Variants in EFNA5 observed in about 807,000 individuals in gnomAD.
EFNA5 encodes the protein ephrin A5.
A neutral mutation model predicts 22.9 loss-of-function variants in EFNA5; 5 were observed. The ratio of observed to expected loss-of-function variants is 0.22; its 90% CI spans 0.11 to 0.46. EFNA5 has a LOEUF of 0.46. Ranked by LOEUF, EFNA5 falls within the 20% of genes least tolerant of loss-of-function variation. The pLI, the probability that EFNA5 is intolerant of heterozygous loss-of-function variation, is 0.99. For missense variants in EFNA5, 237 were observed against 293.3 expected (o/e 0.81, Z 1.40); for synonymous variants, 113 against 112.2 (o/e 1.01, Z -0.04).
intron 1 of EFNA5, among the ~76,000 whole-genome samples, chr5:107,576,228 A>T (rs1167008670): frequency 6.6e-6 from 1 of 152,216 alleles, no homozygotes; most frequent in Admixed American, 6.5e-5. Flanking sequence ...ACTCTTTTTA[A>T]GTGAGAAAAG....
chr5:107,588,602 G>A (rs1306847339), intron 1 of EFNA5, among the ~76,000 whole-genome samples: 1 of 152,228 alleles, frequency 6.6e-6, no homozygotes, highest in East Asian at 1.9e-4. Flanking sequence ...TATCGTATCT[G>A]CATTTCATTG....
At chr5:107,460,764 C>T (rs1749816939) in intron 1 of EFNA5, among the ~76,000 whole-genome samples, 1 of 152,164 alleles carries the variant, frequency 6.6e-6, no homozygotes, top group Admixed American at 6.5e-5. Flanking sequence ...ATCAGAGATG[C>T]TAATCAATTT....
At chr5:107,613,265 G>A (rs781363440) in intron 1 of EFNA5, among the ~76,000 whole-genome samples, 3 of 151,940 alleles carry the variant, frequency 2.0e-5, no homozygotes, top group Admixed American at 2.0e-4. Flanking sequence ...AAAAGTAATG[G>A]GCCTAGAAAA....
chr5:107,538,707 A>G (rs1747978179), intron 1 of EFNA5, among the ~76,000 whole-genome samples: 1 of 152,244 alleles, frequency 6.6e-6, no homozygotes, highest in African/African-American at 2.4e-5. Context: ...AGGAATGTAG[A>G]GCAGGCATAG....
intron 1 of EFNA5, among the ~76,000 whole-genome samples, chr5:107,486,168 G>GA (rs1208449513): frequency 3.9e-5 from 6 of 152,138 alleles, no homozygotes; most frequent in African/African-American, 1.4e-4. Flanking sequence ...TGATGGACAT[G>GA]AAATAGCAAA....
At chr5:107,465,047 T>A (rs1275992582) in intron 1 of EFNA5, among the ~76,000 whole-genome samples, 2 of 148,318 alleles carry the variant, frequency 1.3e-5, no homozygotes, top group African/African-American at 5.1e-5. Context: ...ACCCAAACTT[T>A]CCATTCTGTG....
intron 4 of EFNA5, among the ~76,000 whole-genome samples, chr5:107,382,140 T>C (rs1390553644): frequency 6.6e-6 from 1 of 152,142 alleles, no homozygotes; most frequent in East Asian, 1.9e-4. Flanking sequence ...ATTAAGTGAG[T>C]TAAGCTTCTT....
At chr5:107,491,932 T>A (rs1746816951) in intron 1 of EFNA5, among the ~76,000 whole-genome samples, 1 of 152,124 alleles carries the variant, frequency 6.6e-6, no homozygotes, top group African/African-American at 2.4e-5. Context: ...CCTCCAGGGA[T>A]CAAGCGATTC....
chr5:107,545,317 T>C (rs1476716481), intron 1 of EFNA5, among the ~76,000 whole-genome samples: 1 of 152,218 alleles, frequency 6.6e-6, no homozygotes, highest in East Asian at 1.9e-4. Context: ...TTTCTAATGA[T>C]CTTATATGTT....
At chr5:107,560,348 T>C (rs1336812594) in intron 1 of EFNA5, among the ~76,000 whole-genome samples, 1 of 152,212 alleles carries the variant, frequency 6.6e-6, no homozygotes, top group Non-Finnish European at 1.5e-5. Context: ...ATCACCTGAT[T>C]CCTTAAACAA....
intron 1 of EFNA5, among the ~76,000 whole-genome samples, chr5:107,590,703 G>C (rs1406968090): frequency 2.0e-5 from 3 of 151,972 alleles, no homozygotes; most frequent in Non-Finnish European, 4.4e-5. Flanking sequence ...TCATGGACAT[G>C]ATTTTATCTT....
intron 1 of EFNA5, among the ~76,000 whole-genome samples, chr5:107,669,186 G>A (rs1474866081): frequency 1.3e-5 from 2 of 151,912 alleles, no homozygotes; most frequent in Non-Finnish European, 2.9e-5. Context: ...CAGGCGGAGA[G>A]GGCCCGCAGG....
intron 1 of EFNA5, among the ~76,000 whole-genome samples, chr5:107,452,582 C>G (rs1405608874): frequency 6.6e-6 from 1 of 151,734 alleles, no homozygotes; most frequent in African/African-American, 2.4e-5. Flanking sequence ...AAAAATTAGC[C>G]GGGGGTGGTG....
At chr5:107,613,233 A>G (rs1254083190) in intron 1 of EFNA5, among the ~76,000 whole-genome samples, 2 of 152,144 alleles carry the variant, frequency 1.3e-5, no homozygotes, top group African/African-American at 4.8e-5. Flanking sequence ...CACTAATAAA[A>G]ATAAAATCTC....
At chr5:107,388,210 A>T (rs1385242547) in intron 2 of EFNA5, among the ~76,000 whole-genome samples, 4 of 152,190 alleles carry the variant, frequency 2.6e-5, no homozygotes, top group Admixed American at 6.5e-5. Flanking sequence ...AATAACAGAG[A>T]GTTACAAGGC....
chr5:107,587,792 C>T (rs1032913151), intron 1 of EFNA5, among the ~76,000 whole-genome samples: 128 of 152,216 alleles, frequency 8.4e-4, no homozygotes, highest in Non-Finnish European at 1.4e-3. Context: ...GCTGGGATTA[C>T]AGGCGTAAGC....
chr5:107,481,847 C>G (rs1376855602), intron 1 of EFNA5, among the ~76,000 whole-genome samples: 10 of 83,400 alleles, frequency 1.2e-4, no homozygotes, highest in African/African-American at 2.1e-4. Context: ...GAGACTCCAT[C>G]TCAAAAAAAA....
chr5:107,541,447 C>G (rs768794757), intron 1 of EFNA5, among the ~76,000 whole-genome samples: 28 of 152,094 alleles, frequency 1.8e-4, no homozygotes, highest in Middle Eastern at 3.4e-3. Context: ...CTAGCAATAG[C>G]AATAAAAATC....
chr5:107,584,757 A>G (rs573945793), intron 1 of EFNA5, among the ~76,000 whole-genome samples: 1 of 152,296 alleles, frequency 6.6e-6, no homozygotes, highest in East Asian at 1.9e-4. Flanking sequence ...AATTTCTAGT[A>G]TATAGTAGGC....
Sources: gnomAD v4.1 joint callset for allele counts (sites outside exome capture counted in the v4.1 genomes callset) on GRCh38, gnomAD v4.1.1 for gene constraint, MANE v1.5 for transcripts, NCBI Gene and HGNC (gene_info 2026-07-23, HGNC 2026-07-21) for gene names.